Variants in STS observed in about 807,000 individuals in gnomAD.
The protein encoded by STS is steroid sulfatase, also known as steryl-sulfatase.
STS carries 7 observed loss-of-function variants against 26.8 expected under a neutral mutation model. That is an observed-to-expected ratio of 0.26 (90% CI 0.15 to 0.49). The LOEUF (loss-of-function observed/expected upper bound fraction) is 0.49, where lower values mean the gene tolerates loss of function less well. Among genes scored for constraint, STS ranks in the 20% least tolerant of loss-of-function variants. The pLI is 0.98. For missense variants in STS, 434 were observed against 465.6 expected (o/e 0.93, Z 0.63); for synonymous variants, 199 against 189.4 (o/e 1.05, Z -0.42).
At chrX:7,234,363 T>C (rs1286604300) in intron 2 of STS, among the ~76,000 whole-genome samples, 4 of 112,550 alleles carry the variant, frequency 3.6e-5, no homozygotes, top group Non-Finnish European at 7.5e-5. Context: ...CTTTCCTGCA[T>C]GTCCCAGACA....
intron 1 of STS, among the ~76,000 whole-genome samples, chrX:7,162,126 G>A (rs1933256834): frequency 9.0e-6 from 1 of 111,678 alleles, no homozygotes; most frequent in Non-Finnish European, 1.9e-5. Flanking sequence ...ACCAGGTTCT[G>A]TCACCATTGT....
chrX:7,268,157 G>T (rs1220828204), intron 6 of STS, among the ~76,000 whole-genome samples: 1 of 111,245 alleles, frequency 9.0e-6, no homozygotes, highest in East Asian at 2.8e-4. Context: ...GAGAGCCATG[G>T]GGAAGAATCT....
At chrX:7,203,536 C>G (rs1345666897) in intron 2 of STS, among the ~76,000 whole-genome samples, 7 of 111,430 alleles carry the variant, frequency 6.3e-5, no homozygotes, top group African/African-American at 2.3e-4. Context: ...ATTTATGACA[C>G]TTTCTCCATC....
At chrX:7,249,475 G>A (rs759918263) in intron 2 of STS, among the ~76,000 whole-genome samples, 2 of 111,661 alleles carry the variant, frequency 1.8e-5, no homozygotes, top group Admixed American at 9.5e-5. Context: ...TGGGTAGGCA[G>A]TGGTTGTGAG....
chrX:7,292,043 A>T (rs1423321309), intron 7 of STS, among the ~76,000 whole-genome samples: 1 of 112,609 alleles, frequency 8.9e-6, no homozygotes, highest in African/African-American at 3.2e-5. Context: ...AGCTTCTTTG[A>T]CAATCTTTGA....
intron 10 of STS, among the ~76,000 whole-genome samples, chrX:7,344,908 A>G (rs1928457145): frequency 9.0e-6 from 1 of 111,303 alleles, no homozygotes; most frequent in Non-Finnish European, 1.9e-5. Context: ...TCTGCAAGAC[A>G]GCAGTTTAAA....
intron 8 of STS, among the ~76,000 whole-genome samples, chrX:7,324,887 T>G (rs1927321346): frequency 8.9e-6 from 1 of 111,792 alleles, no homozygotes; most frequent in South Asian, 3.8e-4. Context: ...CTTAGTCACA[T>G]GTTTAAAGTC....
At chrX:7,157,202 A>T (rs1330599477) in intron 1 of STS, among the ~76,000 whole-genome samples, 1 of 111,689 alleles carries the variant, frequency 9.0e-6, no homozygotes, top group Non-Finnish European at 1.9e-5. Context: ...TTGCATTGAG[A>T]TGCTTGTTCC....
chrX:7,244,524 G>A (rs1022015442), intron 2 of STS, among the ~76,000 whole-genome samples: 1 of 111,853 alleles, frequency 8.9e-6, no homozygotes, highest in Non-Finnish European at 1.9e-5. Context: ...TTATGTTCAG[G>A]AGGTGAAAAT....
intron 7 of STS, among the ~76,000 whole-genome samples, chrX:7,293,985 A>G (rs975460848): frequency 7.2e-5 from 8 of 111,522 alleles, no homozygotes; most frequent in African/African-American, 2.6e-4. Context: ...ATAAAATTTG[A>G]GAGAGATGGG....
At chrX:7,258,068 C>A (rs745527464) in intron 5 of STS, among the ~76,000 whole-genome samples, 2 of 99,503 alleles carry the variant, frequency 2.0e-5, no homozygotes, top group East Asian at 6.5e-4. Context: ...AGCTAGCTAG[C>A]TAGCTAGCTA....
chrX:7,247,779 A>C (rs1922955302), intron 2 of STS, among the ~76,000 whole-genome samples: 1 of 111,658 alleles, frequency 9.0e-6, no homozygotes, highest in Non-Finnish European at 1.9e-5. Context: ...GAGGCTTGAG[A>C]TGTGCTGAAT....
At chrX:7,205,337 G>C (rs182670190) in intron 2 of STS, among the ~76,000 whole-genome samples, 1 of 112,075 alleles carries the variant, frequency 8.9e-6, no homozygotes, top group African/African-American at 3.2e-5. Context: ...CAAGCTAAAA[G>C]TGACAACTCT....
chrX:7,214,587 T>A (rs1302172559), intron 2 of STS, among the ~76,000 whole-genome samples: 1 of 111,133 alleles, frequency 9.0e-6, no homozygotes, highest in Non-Finnish European at 1.9e-5. Flanking sequence ...ACAGGTGGTG[T>A]TTGGTTACAT....
intron 2 of STS, among the ~76,000 whole-genome samples, chrX:7,211,732 T>C (rs1921038707): frequency 8.9e-6 from 1 of 112,100 alleles, no homozygotes; most frequent in Admixed American, 9.5e-5. Flanking sequence ...TTTGCTAAGA[T>C]TTCCAACAGG....
chrX:7,277,730 C>T (rs1380974984), intron 7 of STS, among the ~76,000 whole-genome samples: 3 of 112,179 alleles, frequency 2.7e-5, no homozygotes, highest in African/African-American at 9.7e-5. Flanking sequence ...AGAACATTCT[C>T]TCTAACAAGA....
At chrX:7,323,968 A>G (rs1927217630) in intron 8 of STS, among the ~76,000 whole-genome samples, 1 of 111,612 alleles carries the variant, frequency 9.0e-6, no homozygotes, top group Admixed American at 9.5e-5. Context: ...CCTGTCTACA[A>G]AAAGAGTCAG....
At chrX:7,341,527 G>C (rs1364834135) in intron 10 of STS, among the ~76,000 whole-genome samples, 2 of 111,827 alleles carry the variant, frequency 1.8e-5, no homozygotes, top group African/African-American at 6.5e-5. Context: ...CAATCCCAAA[G>C]CAAATGTACT....
chrX:7,343,408 T>C (rs1928381869), intron 10 of STS, among the ~76,000 whole-genome samples: 1 of 112,503 alleles, frequency 8.9e-6, no homozygotes, highest in Admixed American at 9.4e-5. Context: ...TTGCGTAAAT[T>C]GGCTGCAGCT....
Sources: allele counts gnomAD v4.1 joint callset (sites outside exome capture counted in the v4.1 genomes callset), GRCh38; gene constraint gnomAD v4.1.1; transcripts MANE v1.5; gene names NCBI Gene and HGNC (gene_info 2026-07-23, HGNC 2026-07-21).